Variants in FAM114A1 observed in about 807,000 individuals in gnomAD.
FAM114A1 encodes the protein protein NOXP20.
A neutral mutation model predicts 64.3 loss-of-function variants in FAM114A1; 62 were observed. That is an observed-to-expected ratio of 0.96 (90% CI 0.79 to 1.19). The LOEUF (loss-of-function observed/expected upper bound fraction) is 1.19, where lower values mean the gene tolerates loss of function less well. FAM114A1 is among the 50% of genes most tolerant of loss of function. The probability of loss-of-function intolerance (pLI) is 0.00; values close to 1 mark genes in which losing one functional copy is unlikely to be tolerated. For missense variants in FAM114A1, 645 were observed against 676.3 expected, an observed-to-expected ratio of 0.95 and a Z score of 0.51; for synonymous variants, 254 against 251.1, an observed-to-expected ratio of 1.01 and a Z score of -0.11.
Position 38,931,484 on chromosome 4 carries a change from G to C in FAM114A1, c.1195G>C (p.Asp399His). The C allele has an allele frequency of 6.2e-7, 1 of 1,614,026 alleles. No individual in the cohort carries two copies. The highest frequency in any genetic ancestry group is 8.5e-7 in the Non-Finnish European group (1 of 1,179,996). ...GAGGGCTCATGACTGGGTGGAAGAG[G>C]ATCAAACCGTGGTGTCAGTAGATGT... ...MKRAHDWVEE[D>H]QTVVSVDVAK... is the part of the protein sequence containing the mutation. Residue 399 changes from aspartate (D) to histidine (H), a missense_variant, in exon 11 of 15, where the codon GAT (aspartate) becomes CAT (histidine). By Grantham distance (81) the Asp-to-His change is moderately conservative. Transcript: ENST00000358869.
intron 4 of FAM114A1, among the ~76,000 whole-genome samples, chr4:38,901,160 C>G (rs1717478137): frequency 6.6e-6 from 1 of 152,198 alleles, no homozygotes; most frequent in Non-Finnish European, 1.5e-5. Context: ...TTCTCGTGAT[C>G]CTTTAGCATA....
chr4:38,903,505 T>C (rs369911585), intron 4 of FAM114A1, among the ~76,000 whole-genome samples: 1 of 152,210 alleles, frequency 6.6e-6, no homozygotes, highest in East Asian at 1.9e-4. Flanking sequence ...CTCTCAGAAA[T>C]CTAGACGAGA....
At chr4:38,869,138 A>G (rs563384310) in intron 2 of FAM114A1, among the ~76,000 whole-genome samples, 1 of 152,370 alleles carries the variant, frequency 6.6e-6, no homozygotes, top group East Asian at 1.9e-4. Context: ...AGGGACAGAA[A>G]CCAACCTAGG....
chr4:38,920,775 C>T (rs1719516972), intron 8 of FAM114A1, among the ~76,000 whole-genome samples: 1 of 152,234 alleles, frequency 6.6e-6, no homozygotes, highest in Non-Finnish European at 1.5e-5. Flanking sequence ...ATCTGGGACC[C>T]TGACCCCTAA....
intron 4 of FAM114A1, among the ~76,000 whole-genome samples, chr4:38,895,431 C>T (rs1367660697): frequency 2.6e-5 from 4 of 152,212 alleles, no homozygotes; most frequent in Non-Finnish European, 5.9e-5. Flanking sequence ...AGTTCAGGCG[C>T]ACTAAGGATG....
chr4:38,877,791 C>A (rs535614234), intron 2 of FAM114A1, among the ~76,000 whole-genome samples: 1 of 152,044 alleles, frequency 6.6e-6, no homozygotes, highest in Admixed American at 6.5e-5. Flanking sequence ...ATGGAAAAAC[C>A]CCGTTTCTAC....
intron 4 of FAM114A1, among the ~76,000 whole-genome samples, chr4:38,904,466 C>T (rs2109669032): frequency 1.3e-5 from 2 of 152,350 alleles, no homozygotes; most frequent in Middle Eastern, 3.4e-3. Flanking sequence ...TATTGAATAA[C>T]CGCTCTGCCT....
chr4:38,909,332 T>C lies in FAM114A1; in HGVS notation c.792+606T>C, dbSNP rs73148496. 9.4e-3 allele frequency among the ~76,000 whole-genome samples: 1,426 copies of C among 152,272 alleles called. 19 individuals are homozygous for C. The highest frequency in any genetic ancestry group is 0.032 in the African/African-American group (1,344 of 41,536). On this transcript the variant is annotated intron_variant, in intron 7 of 14. Coordinates refer to ENST00000358869, the MANE Select transcript of FAM114A1 (RefSeq NM_138389.4). ...CTTAGTAAGCATTCAGAAATGTTAG[T>C]TGTTGTCATTGCCGTTATTATGTGT...
chr4:38,925,740 A>G (rs1384792267), intron 9 of FAM114A1, among the ~76,000 whole-genome samples: 3 of 152,082 alleles, frequency 2.0e-5, no homozygotes, highest in Admixed American at 1.3e-4. Flanking sequence ...TTAAAAGGCC[A>G]TTTTCTATTT....
chr4:38,896,035 T>C (rs1716906426), intron 4 of FAM114A1, among the ~76,000 whole-genome samples: 1 of 152,094 alleles, frequency 6.6e-6, no homozygotes, highest in Non-Finnish European at 1.5e-5. Flanking sequence ...TTACAGAACC[T>C]TAGTATTTTC....
Position 38,878,359 on chromosome 4 carries a change from G to A in FAM114A1, c.281G>A (p.Cys94Tyr). ...GDVTEDTLAE[C>Y]IDSVSLEAEP... ...GTGACTGAGGATACACTTGCTGAAT[G>A]TATTGATTCCGTCAGCCTTGAGGCA... Residue 94 changes from cysteine (C) to tyrosine (Y), a missense_variant, in exon 3 of 15, where the codon TGT becomes TAT. Physicochemically the swap from Cys to Tyr is radical, Grantham distance 194 (BLOSUM62 -2). Transcript: ENST00000358869. 6.2e-7 allele frequency: 1 copy of A among 1,613,740 alleles called. No homozygotes were observed. The highest frequency in any genetic ancestry group is 8.5e-7 in the Non-Finnish European group (1 of 1,179,782).
intron 2 of FAM114A1, among the ~76,000 whole-genome samples, chr4:38,876,169 C>CTTT (rs1163508013): frequency 2.0e-4 from 14 of 69,084 alleles, no homozygotes; most frequent in African/African-American, 3.4e-4. Context: ...ATTCTTTTTT[C>CTTT]TTTTTTTTTT....
chr4:38,933,837 C>T (rs1720864293), intron 12 of FAM114A1, among the ~76,000 whole-genome samples: 1 of 152,176 alleles, frequency 6.6e-6, no homozygotes, highest in African/African-American at 2.4e-5. Context: ...ACTCAATTTG[C>T]TAGCTAACTA....
intron 3 of FAM114A1, among the ~76,000 whole-genome samples, chr4:38,886,591 CAT>C (rs1715828431): frequency 6.6e-6 from 1 of 152,020 alleles, no homozygotes; most frequent in South Asian, 2.1e-4. Flanking sequence ...ATAGAGGAAT[CAT>C]GTGCATGATT....
chr4:38,930,289 CTCTT>C (rs763164317), intron 10 of FAM114A1, among the ~76,000 whole-genome samples: 4 of 152,198 alleles, frequency 2.6e-5, no homozygotes, highest in East Asian at 1.9e-4. Flanking sequence ...CTCTCTCTCT[CTCTT>C]TCTTTCTTCT....
rs58018099 is a variant in FAM114A1, at chr4:38,915,744, G to GGTGTGT, written c.945+716_945+721dup. ...TTTTTTCCCTTAAAGCATCTATAGT[G>GGTGTGT]GTGTGTGTGTGTGTGTGTGTGTGTG... On this transcript the variant is annotated intron_variant, in intron 8 of 14. Transcript: ENST00000358869. Among the ~76,000 whole-genome samples, 730 of 139,186 alleles carry GGTGTGT rather than the reference G, an allele frequency of 5.2e-3. 3 individuals carry two copies. The highest frequency in any genetic ancestry group is 6.8e-3 in the Non-Finnish European group (435 of 63,892). 91.3% of individuals were successfully genotyped at this position (139,186 alleles called of 152,430 possible).
chr4:38,912,018 G>A (rs538528052), intron 7 of FAM114A1, among the ~76,000 whole-genome samples: 3 of 151,456 alleles, frequency 2.0e-5, no homozygotes, highest in East Asian at 2.0e-4. Flanking sequence ...GCACCACCAC[G>A]CCCGGCTAAT....
intron 12 of FAM114A1, 104 bp downstream of exon 12, chr4:38,932,478 A>G (rs1297719004): frequency 4.1e-6 from 5 of 1,226,760 alleles, no homozygotes; most frequent in Non-Finnish European, 5.5e-6. Flanking sequence ...TAGAAGATTC[A>G]GGTTTCTTTT....
intron 8 of FAM114A1, among the ~76,000 whole-genome samples, chr4:38,917,631 G>A (rs904152693): frequency 5.9e-5 from 9 of 152,008 alleles, no homozygotes; most frequent in East Asian, 1.9e-4. Context: ...ACAGGGGAGC[G>A]TGGCCCTGCT....
Sources: gnomAD v4.1 joint callset for allele counts (sites outside exome capture counted in the v4.1 genomes callset) on GRCh38, gnomAD v4.1.1 for gene constraint, MANE v1.5 for transcripts, NCBI Gene and HGNC (gene_info 2026-07-23, HGNC 2026-07-21) for gene names.